Variants in CCDC77 observed in about 807,000 individuals in gnomAD.
CCDC77 encodes the protein coiled-coil domain containing 77.
In CCDC77, 56 loss-of-function variants were observed where a neutral mutation model predicts 66.8. That is an observed-to-expected ratio of 0.84 (90% CI 0.68 to 1.05). The LOEUF (loss-of-function observed/expected upper bound fraction) is 1.05, where lower values mean the gene tolerates loss of function less well. Ranked by LOEUF, CCDC77 falls within the 50% of genes least tolerant of loss-of-function variation. The pLI, the probability that CCDC77 is intolerant of heterozygous loss-of-function variation, is 0.00. For synonymous variants in CCDC77, 196 were observed against 195.2 expected, an observed-to-expected ratio of 1.00 and a Z score of -0.03; for missense variants, 570 against 576.8, an observed-to-expected ratio of 0.99 and a Z score of 0.12.
chr12:427,795 C>A (rs1256243170), intron 5 of CCDC77, among the ~76,000 whole-genome samples: 2 of 152,094 alleles, frequency 1.3e-5, no homozygotes, highest in Non-Finnish European at 2.9e-5. Context: ...TTAGCGTTTG[C>A]TTCCTTGGCC....
Position 411,775 on chromosome 12 carries a change from G to A in CCDC77, c.67G>A (p.Ala23Thr), listed in dbSNP as rs550645891. Residue 23 changes from alanine to threonine, a missense_variant, in exon 4 of 13, where the codon GCC (alanine) becomes ACC (threonine). By Grantham distance (58) the Ala-to-Thr change is moderately conservative (BLOSUM62 0). Coordinates refer to ENST00000239830, the MANE Select transcript of CCDC77 (RefSeq NM_032358.4). ...KRTVVSKRGV[A>T]VSGPTKRRGM... ...AACAGTTGTCTCCAAACGTGGTGTT[G>A]CCGTCAGTGGTCCCACCAAGAGGAG... is the stretch of plus-strand genomic sequence containing the variant. 14 of 1,613,870 alleles carry A rather than the reference G, an allele frequency of 8.7e-6. No homozygotes were observed. The highest frequency in any genetic ancestry group is 1.2e-5 in the Non-Finnish European group (14 of 1,179,914).
chr12:416,411 ATATATT>A (rs1565569352), intron 4 of CCDC77, among the ~76,000 whole-genome samples: 1 of 44,318 alleles, frequency 2.3e-5, no homozygotes, highest in Non-Finnish European at 4.3e-5. Flanking sequence ...ATATATATAT[ATATATT>A]TCTTTTTTTT....
chr12:416,344 GGTGTGTGT>G (rs1174833426), intron 4 of CCDC77, among the ~76,000 whole-genome samples: 22 of 37,090 alleles, frequency 5.9e-4, no homozygotes, highest in African/African-American at 1.8e-3. Context: ...GGTGTGTGGG[GGTGTGTGT>G]GTGTGTGTGT....
intron 3 of CCDC77, among the ~76,000 whole-genome samples, chr12:411,210 T>C (rs1484892047): frequency 6.6e-6 from 1 of 151,920 alleles, no homozygotes; most frequent in Admixed American, 6.6e-5. Context: ...AGTCTCGCTC[T>C]GTCGCCAGGC....
chr12:424,489 C>CT (rs1565572673), intron 5 of CCDC77, among the ~76,000 whole-genome samples: 1 of 150,306 alleles, frequency 6.7e-6, no homozygotes, highest in South Asian at 2.1e-4. Context: ...AATTTATTTT[C>CT]TTTTTTTCAT....
chr12:427,212 T>C (rs1945552240), intron 5 of CCDC77, among the ~76,000 whole-genome samples: 1 of 150,622 alleles, frequency 6.6e-6, no homozygotes, highest in African/African-American at 2.4e-5. Flanking sequence ...GCCATTGCAC[T>C]CCAGCCTGGG....
At chr12:436,817 T>C (rs1945768072) in intron 9 of CCDC77, 1 of 935,210 alleles carries the variant, frequency 1.1e-6, no homozygotes, top group Non-Finnish European at 1.3e-6. Flanking sequence ...GGGCCGTTAA[T>C]GACTGCCCTT....
In CCDC77 at chr12:440,967, C is replaced by T. The variant is rs377326847; in HGVS notation, c.1291C>T (p.Leu431=). ...AGATATTAAAGTTCTCCGACAGAAA[C>T]TGAAAGACTTGGAGCAAATGTTGTA... ...KTDIKVLRQK[L]KDLEQMLYKA... The change falls in exon 12 of 13, where the codon CTG becomes TTG. Residue 431 remains leucine, a synonymous_variant. Transcript: ENST00000239830. 4.1e-5 allele frequency: 66 copies of T among 1,612,458 alleles called. No homozygotes were observed. The highest frequency in any genetic ancestry group is 6.7e-5 in the Admixed American group (4 of 60,004).
At chr12:441,131 CCCTG>C in intron 12 of CCDC77, 135 bp downstream of exon 12, 1 of 906,344 alleles carries the variant, frequency 1.1e-6, no homozygotes, top group Non-Finnish European at 1.7e-6. Context: ...CTTCAAGCCT[CCCTG>C]AAAATTAGTT....
intron 1 of CCDC77, among the ~76,000 whole-genome samples, chr12:401,933 G>T (rs1029960525): frequency 6.6e-5 from 10 of 152,138 alleles, no homozygotes; most frequent in Admixed American, 6.6e-4. Flanking sequence ...GTGGGAAAAG[G>T]AGTACGGGAT....
intron 4 of CCDC77, among the ~76,000 whole-genome samples, chr12:417,595 C>A (rs1264239138): frequency 4.6e-5 from 7 of 152,094 alleles, no homozygotes; most frequent in Admixed American, 3.9e-4. Context: ...CATAATAATG[C>A]TTATGATATA....
Position 415,327 on chromosome 12 carries a change from CATA to C in CCDC77, c.271-3163_271-3161del, listed in dbSNP as rs201621737. ...CATAATATTATGTTAATATAATCAA[CATA>C]ATATTATGTTAATATAATCAACATA... On this transcript the variant is annotated intron_variant, in intron 4 of 12. Transcript: ENST00000239830. Among the ~76,000 whole-genome samples the C allele has an allele frequency of 1.9e-3, 170 of 90,246 alleles. 6 individuals are homozygous for C. The East Asian group carries it at 0.024, about 13-fold the overall frequency. 59.2% of individuals were successfully genotyped at this position (90,246 alleles called of 152,430 possible). A position where few individuals can be genotyped will look rare whatever the true frequency, so the allele number is the denominator to read the frequency against.
At chr12:413,582 G>A (rs1945159822) in intron 4 of CCDC77, among the ~76,000 whole-genome samples, 1 of 147,408 alleles carries the variant, frequency 6.8e-6, no homozygotes, top group African/African-American at 2.6e-5. Context: ...TCTTTTCCCA[G>A]TCACACTTCC....
chr12:389,925 C>G (rs1372836529), intron 1 of CCDC77: 2 of 152,234 alleles, frequency 1.3e-5, no homozygotes, highest in African/African-American at 4.8e-5. Context: ...TAAATCCTGC[C>G]AGCTGGCTTT....
chr12:390,983 T>C (rs1205157994), intron 1 of CCDC77, among the ~76,000 whole-genome samples: 1 of 152,142 alleles, frequency 6.6e-6, no homozygotes, highest in African/African-American at 2.4e-5. Flanking sequence ...AAGCCTAGAC[T>C]CCAAAATGTA....
At chr12:412,880 CACACCGTT>C (rs2137552482) in intron 4 of CCDC77, among the ~76,000 whole-genome samples, 1 of 152,296 alleles carries the variant, frequency 6.6e-6, no homozygotes, top group Admixed American at 6.5e-5. Context: ...CTGCCATCTG[CACACCGTT>C]ACTCCATCCG....
intron 7 of CCDC77, among the ~76,000 whole-genome samples, chr12:431,584 T>C (rs1945653076): frequency 6.6e-6 from 1 of 152,190 alleles, no homozygotes; most frequent in Non-Finnish European, 1.5e-5. Flanking sequence ...TTTTAGTGGT[T>C]GATTCTAAGG....
In CCDC77 at chr12:401,684, C is replaced by G. The variant is rs543160169; in HGVS notation, c.-71C>G. On this transcript the variant is annotated splice_region_variant and 5_prime_UTR_variant, in exon 1 of 13. Coordinates refer to ENST00000239830, the MANE Select transcript of CCDC77 (RefSeq NM_032358.4). ...TCCCTGACTCGGAGTCTTAGTGTGT[C>G]GTGAGTATAGAGTTTCGGGTTTGGG... The G allele has an allele frequency of 2.0e-5, 3 of 152,382 alleles. No individual in the cohort carries two copies. The East Asian group carries it at 5.8e-4, about 29-fold the overall frequency. The allele number at this position is 152,382 out of a possible 1,614,324, so 9.4% of individuals were successfully genotyped here.
Position 431,947 on chromosome 12 carries a change from T to A in CCDC77, c.665T>A (p.Ile222Asn). ...TACCAAAGAGACATACAGACACTCA[T>A]CCTACAGGTAAAGAATGTATTTTGG... ...EHYQRDIQTLILQVEALQAQL... is the reference protein window; with the variant it reads ...EHYQRDIQTLNLQVEALQAQL... Residue 222 changes from isoleucine to asparagine, a missense_variant, in exon 8 of 13, where the codon ATC becomes AAC. Ile to Asn is a moderately radical substitution (Grantham distance 149). Transcript: ENST00000239830. 2.5e-6 allele frequency: 4 copies of A among 1,605,350 alleles called. No individual in the cohort carries two copies. The highest frequency in any genetic ancestry group is 3.4e-6 in the Non-Finnish European group (4 of 1,173,138).
Sources: allele counts gnomAD v4.1 joint callset (sites outside exome capture counted in the v4.1 genomes callset), GRCh38; gene constraint gnomAD v4.1.1; transcripts MANE v1.5; gene names NCBI Gene and HGNC (gene_info 2026-07-23, HGNC 2026-07-21).